FAT1: variants seen among roughly 807,000 people sequenced by gnomAD.
FAT1 encodes the protein protocadherin Fat 1.
A neutral mutation model predicts 329.8 loss-of-function variants in FAT1; 171 were observed. That is an observed-to-expected ratio of 0.52 (90% CI 0.46 to 0.59). FAT1 has a LOEUF of 0.59. Among genes scored for constraint, FAT1 ranks in the 20% least tolerant of loss-of-function variants. The pLI is 0.00. For synonymous variants in FAT1, 2,233 were observed against 2,228.6 expected (o/e 1.00, Z -0.06); for missense variants, 5,672 against 5,774.4 (o/e 0.98, Z 0.57).
intron 2 of FAT1, among the ~76,000 whole-genome samples, chr4:186,667,284 G>A (rs1201135408): frequency 2.0e-5 from 3 of 152,168 alleles, no homozygotes; most frequent in Admixed American, 1.3e-4. Context: ...GTACAACCAG[G>A]GGGTGGGGGA....
intron 1 of FAT1, among the ~76,000 whole-genome samples, chr4:186,719,921 C>T (rs1007432861): frequency 6.6e-6 from 1 of 152,212 alleles, no homozygotes; most frequent in Non-Finnish European, 1.5e-5. Flanking sequence ...ATTCAAACTT[C>T]TTTGTGATAT....
At chr4:186,610,619 TAA>T (rs1219154712) in intron 14 of FAT1, among the ~76,000 whole-genome samples, 1 of 125,908 alleles carries the variant, frequency 7.9e-6, no homozygotes, top group Non-Finnish European at 1.6e-5. Flanking sequence ...ATAAATTATA[TAA>T]ATATAAATTA....
At chr4:186,718,019 A>C (rs1244925617) in intron 1 of FAT1, among the ~76,000 whole-genome samples, 2 of 152,176 alleles carry the variant, frequency 1.3e-5, no homozygotes, top group Non-Finnish European at 2.9e-5. Context: ...ATAATCAACA[A>C]TGGCCACTTC....
intron 2 of FAT1, among the ~76,000 whole-genome samples, chr4:186,680,831 G>C (rs1403543269): frequency 6.6e-6 from 1 of 152,198 alleles, no homozygotes; most frequent in Non-Finnish European, 1.5e-5. Context: ...GTGGCACCTA[G>C]TAGAGAGGTG....
At chr4:186,720,727 C>T (rs986754074) in intron 1 of FAT1, among the ~76,000 whole-genome samples, 2 of 152,196 alleles carry the variant, frequency 1.3e-5, no homozygotes, top group African/African-American at 2.4e-5. Context: ...TTGTTCAGCA[C>T]TAGATGTTGT....
chr4:186,694,306 G>A (rs2126664804), intron 2 of FAT1, among the ~76,000 whole-genome samples: 1 of 152,320 alleles, frequency 6.6e-6, no homozygotes, highest in South Asian at 2.1e-4. Context: ...AATACACAGT[G>A]AACAACTTCC....
intron 1 of FAT1, 37 bp from the exon 2 acceptor site, chr4:186,709,882 A>T (rs957530653): frequency 1.6e-5 from 24 of 1,511,538 alleles, no homozygotes; most frequent in Non-Finnish European, 2.0e-5. Flanking sequence ...ACCTTGGGGA[A>T]ATAAAACAAG....
chr4:186,686,238 A>ACC (rs3083333), intron 2 of FAT1, among the ~76,000 whole-genome samples: 4,051 of 139,614 alleles, frequency 0.029, 125 homozygotes, highest in East Asian at 0.13. Flanking sequence ...GAGAATTTTC[A>ACC]CCCCCCCCCG....
At chr4:186,601,218 T>C (rs764210076) in intron 21 of FAT1, 51 bp downstream of exon 21, 475 of 1,463,084 alleles carry the variant, frequency 3.2e-4, no homozygotes, top group Non-Finnish European at 4.2e-4. Flanking sequence ...TAAAATGAAA[T>C]TTATGGTTTG....
rs1199646858 is a variant in FAT1, at chr4:186,618,316, CTCTG to C, written c.8266_8269del (p.Gln2756AlafsTer4). 2.5e-6 allele frequency: 4 copies of C among 1,613,928 alleles called. No homozygotes were observed. The highest frequency in any genetic ancestry group is 2.7e-5 in the African/African-American group (2 of 74,944). ...ACTCTTCTCCAACTTCAGTCTCCCG[CTCTG>C]TCTGTCAATCACAAAGGACTCATCC... On this transcript the variant is annotated frameshift_variant, in exon 10 of 27. Transcript: ENST00000441802. LOFTEE classifies it high-confidence loss of function.
At chr4:186,671,242 C>G (rs1458775218) in intron 2 of FAT1, among the ~76,000 whole-genome samples, 1 of 151,850 alleles carries the variant, frequency 6.6e-6, no homozygotes, top group Non-Finnish European at 1.5e-5. Context: ...GTATAAGAAA[C>G]TTTACATGTT....
chr4:186,606,893 G>T (rs1005555315), intron 16 of FAT1, among the ~76,000 whole-genome samples: 2 of 152,254 alleles, frequency 1.3e-5, no homozygotes, highest in African/African-American at 4.8e-5. Context: ...CAGAACGTTA[G>T]TCCTGCAAGA....
rs1187839041 is a variant in FAT1, at chr4:186,618,195, G to C, written c.8391C>G (p.Ile2797Met). ...TGTTGTCATTTGCATCTTTCACTTG[G>C]ATACTAACATCTACAGAAGCCACCA... is the stretch of plus-strand genomic sequence containing the variant. ...HEMVASVDVS[I>M]QVKDANDNSP... The change falls in exon 10 of 27, where the codon ATC (isoleucine) becomes ATG (methionine). Residue 2797 changes from isoleucine (I) to methionine (M), a missense_variant. Physicochemically the swap from Ile to Met is conservative, Grantham distance 10. Around this residue, in one of 2 missense-constraint regions of FAT1, gnomAD observed 3,966 missense variants for 3,915.2 expected, o/e 1.01. Transcript: ENST00000441802. 1.2e-6 allele frequency: 2 copies of C among 1,613,994 alleles called. No homozygotes were observed.
In FAT1 at chr4:186,618,393, C is replaced by T. The variant is rs566097536; in HGVS notation, c.8193G>A (p.Gly2731=). The change falls in exon 10 of 27, where the codon GGG becomes GGA. Residue 2731 remains glycine, a synonymous_variant. Transcript: ENST00000441802. ...EIDLIRAEHS[G]TVLYSLVKGN... ...CTTTGACCAGGCTGTAAAGAACAGT[C>T]CCACTATGTTCTGCTCGGATGAGAT... 1.3e-5 allele frequency: 21 copies of T among 1,613,990 alleles called. No individual in the cohort carries two copies. The South Asian group carries it at 2.2e-4, about 17-fold the overall frequency.
In FAT1 at chr4:186,589,084, G is replaced by A. The variant is rs749685132; in HGVS notation, c.13275C>T (p.Tyr4425=). ...CACTTTCGATGTCGTAGCCTCCAGG[G>A]TAATAGTCCGTATCGATGGCGTTTG... ...ADPNAIDTDY[Y]PGGYDIESDF... Residue 4425 remains tyrosine (Y), a synonymous_variant, in exon 27 of 27, where the codon TAC becomes TAT. Transcript: ENST00000441802. 3 of 1,613,838 alleles carry A rather than the reference G, an allele frequency of 1.9e-6. No individual in the cohort carries two copies. In the African/African-American group the frequency reaches 4.0e-5, roughly 22 times the overall value.
At position 186,618,417 on chromosome 4, in the gene FAT1, A is replaced by C. The variant is rs1328231420; in HGVS notation, c.8169T>G (p.Asp2723Glu). 1 of 1,614,032 alleles carries C rather than the reference A, an allele frequency of 6.2e-7. No individual in the cohort carries two copies. Among genetic ancestry groups the C allele is most frequent in the Admixed American group, 1.7e-5 (1 of 60,026 alleles). ...SEDVPIGTEI[D>E]LIRAEHSGTV... ...TCCCACTATGTTCTGCTCGGATGAG[A>C]TCTATCTCTGTTCCAATAGGCACGT... The change falls in exon 10 of 27, where the codon GAT becomes GAG. Residue 2723 changes from aspartate to glutamate, a missense_variant. Asp to Glu is a conservative substitution (Grantham distance 45). Coordinates refer to ENST00000441802, the MANE Select transcript of FAT1 (RefSeq NM_005245.4).
chr4:186,678,253 T>A (rs773401194), intron 2 of FAT1, among the ~76,000 whole-genome samples: 1 of 151,948 alleles, frequency 6.6e-6, no homozygotes, highest in Non-Finnish European at 1.5e-5. Context: ...TATAACACAC[T>A]AGTTGTAATT....
rs2126438082 is a variant in FAT1, at chr4:186,604,400, C to A, written c.10525G>T (p.Asp3509Tyr). 1.2e-6 allele frequency: 2 copies of A among 1,613,626 alleles called. No individual in the cohort carries two copies. Among genetic ancestry groups the A allele is most frequent in the Non-Finnish European group, 1.7e-6 (2 of 1,179,734 alleles). ...TSSAIKRKEK[D>Y]HYLLQVKVAD... ...ACCTTCACCTGCAGTAAGTAATGAT[C>A]TTTCTCCTTCCTCTTGATGGCAGAT... is the stretch of plus-strand genomic sequence containing the variant. The change falls in exon 18 of 27, where the codon GAT becomes TAT. Residue 3509 changes from aspartate to tyrosine, a missense_variant. Around this residue, in one of 2 missense-constraint regions of FAT1, gnomAD observed 1,706 missense variants for 1,859.1 expected, o/e 0.92. Transcript: ENST00000441802.
At chr4:186,704,987 C>A (rs867122489) in intron 2 of FAT1, among the ~76,000 whole-genome samples, 25 of 149,684 alleles carry the variant, frequency 1.7e-4, no homozygotes, top group African/African-American at 5.9e-4. Context: ...CTCTGTTGCC[C>A]AGGCTGGAGT....
Sources: gnomAD v4.1 joint callset for allele counts (sites outside exome capture counted in the v4.1 genomes callset) on GRCh38, gnomAD v4.1.1 for gene constraint, gnomAD v4.1.1 regional missense constraint, MANE v1.5 for transcripts, NCBI Gene and HGNC (gene_info 2026-07-23, HGNC 2026-07-21) for gene names.